The following CCDC159 variants were observed in gnomAD, a reference collection of about 807,000 sequenced individuals.
CCDC159 encodes the protein coiled-coil domain-containing protein 159.
CCDC159 carries 40 observed loss-of-function variants against 50.9 expected under a neutral mutation model. The observed-to-expected ratio is 0.79, with a 90% CI of 0.61 to 1.02. The LOEUF is 1.02. CCDC159 is among the 50% of genes least tolerant of loss of function. CCDC159 has a pLI of 0.00. For synonymous variants in CCDC159, 146 were observed against 138.9 expected (o/e 1.05, Z -0.36); for missense variants, 356 against 371.5 (o/e 0.96, Z 0.34).
At chr19:11,351,416 G>C (rs999863147) in intron 5 of CCDC159, 1 of 179,478 alleles carries the variant, frequency 5.6e-6, no homozygotes, top group African/African-American at 2.4e-5. Context: ...CAGCCTGGGC[G>C]CCTGGGCGCC....
intron 7 of CCDC159, chr19:11,352,473 G>A: frequency 3.4e-6 from 1 of 291,938 alleles, no homozygotes; most frequent in Non-Finnish European, 6.6e-6. Context: ...GGGTGTGGTG[G>A]CAGGCACCTG....
intron 6 of CCDC159, 24 bp from the exon 7 acceptor site, chr19:11,352,033 C>T (rs575480768): frequency 7.6e-5 from 123 of 1,613,192 alleles, no homozygotes; most frequent in South Asian, 5.6e-4. Flanking sequence ...AGCCTTTGTC[C>T]GCCTGAGCCC....
At chr19:11,352,738 C>G (rs1967652559) in intron 7 of CCDC159, among the ~76,000 whole-genome samples, 1 of 151,976 alleles carries the variant, frequency 6.6e-6, no homozygotes, top group African/African-American at 2.4e-5. Context: ...CAAGACCAGC[C>G]TAGGCAACAT....
At chr19:11,351,825 G>A (rs936063594) in intron 5 of CCDC159, 81 bp from the exon 6 acceptor site, 2 of 1,267,334 alleles carry the variant, frequency 1.6e-6, no homozygotes, top group African/African-American at 1.5e-5. Context: ...AGCTTGCGGG[G>A]ATGGGTGGAG....
chr19:11,353,801 G>A lies in CCDC159; in HGVS notation c.699G>A (p.Val233=), dbSNP rs373080827. The A allele has an allele frequency of 6.3e-7, 1 of 1,596,918 alleles. No homozygotes were observed. Among genetic ancestry groups the A allele is most frequent in the Non-Finnish European group, 8.5e-7 (1 of 1,171,870 alleles). ...QKELSDIWSA[V]HVLQNSIDSL... Reference sequence around the variant, plus strand: ...CCTTGTCTTCTTGCAGGTCTGCTGTGCACGTGCTGCAGAACTCCATAGACA... The same window carrying A: ...CCTTGTCTTCTTGCAGGTCTGCTGTACACGTGCTGCAGAACTCCATAGACA... Residue 233 remains valine (V), a synonymous_variant, in exon 9 of 11, where the codon GTG becomes GTA. Transcript: ENST00000458408.
intron 4 of CCDC159, 52 bp from the exon 5 acceptor site, chr19:11,350,756 G>C: frequency 1.4e-6 from 2 of 1,479,232 alleles, no homozygotes; most frequent in South Asian, 2.7e-5. Flanking sequence ...ATTAGGACAA[G>C]CTGGGTTCAG....
chr19:11,346,656 G>A, intron 1 of CCDC159, 29 bp downstream of exon 1: 2 of 1,550,470 alleles, frequency 1.3e-6, no homozygotes, highest in Non-Finnish European at 1.7e-6. Context: ...TCTGGAGCCT[G>A]GCGGGTGTAG....
At chr19:11,346,728 C>A (rs1967257386) in intron 1 of CCDC159, 101 bp downstream of exon 1, 1 of 1,365,520 alleles carries the variant, frequency 7.3e-7, no homozygotes, top group East Asian at 2.6e-5. Context: ...AATAATTCTC[C>A]CGGGAGGGAC....
Position 11,353,519 on chromosome 19 carries a change from G to A in CCDC159, c.636G>A (p.Gln212=). ...GTCCGGAGACTGAAGAGATACCGCA[G>A]GGAGCCAGTGGCTGCTGGAAGGATG... is the stretch of plus-strand genomic sequence containing the variant. ...AACPETEEIP[Q]GASGCWKDDL... Residue 212 remains glutamine (Q), a synonymous_variant, in exon 8 of 11, where the codon CAG becomes CAA. Transcript: ENST00000458408. The A allele has an allele frequency of 6.2e-7, 1 of 1,613,292 alleles. No individual in the cohort carries two copies. Among genetic ancestry groups the A allele is most frequent in the Non-Finnish European group, 8.5e-7 (1 of 1,179,644 alleles).
At position 11,350,204 on chromosome 19, in the gene CCDC159, G is replaced by T; in HGVS notation, c.226+5G>T. ...TCAAGATTCAGCAGCTTGAAGGTGA[G>T]GACTGACCAGAGATCAAGGTCAGGC... On this transcript the variant is annotated splice_donor_5th_base_variant and intron_variant, in intron 4 of 10. Transcript: ENST00000458408. 1 of 1,607,516 alleles carries T rather than the reference G, an allele frequency of 6.2e-7. No homozygotes were observed. Among genetic ancestry groups the T allele is most frequent in the Non-Finnish European group, 8.5e-7 (1 of 1,177,624 alleles).
At chr19:11,349,177 G>T in intron 1 of CCDC159, 1 of 1,345,432 alleles carries the variant, frequency 7.4e-7, no homozygotes, top group African/African-American at 1.5e-5. Context: ...TTTTGAAGAG[G>T]CATCACAACG....
chr19:11,351,100 G>C (rs1323943405), intron 5 of CCDC159, 97 bp downstream of exon 5: 3 of 1,202,242 alleles, frequency 2.5e-6, no homozygotes, highest in Admixed American at 2.7e-5. Context: ...GCAGATGCCT[G>C]GGGGAGGGGG....
chr19:11,353,820 A>G lies in CCDC159; in HGVS notation c.718A>G (p.Ile240Val). 6.3e-7 allele frequency: 1 copy of G among 1,599,026 alleles called. No individual in the cohort carries two copies. The highest frequency in any genetic ancestry group is 2.3e-5 in the East Asian group (1 of 44,246). ...WSAVHVLQNS[I>V]DSLTLCSGAC... Reference sequence around the variant, plus strand: ...TGCTGTGCACGTGCTGCAGAACTCCATAGACAGCCTCACTTTGTGCTCGGG... The same window carrying G: ...TGCTGTGCACGTGCTGCAGAACTCCGTAGACAGCCTCACTTTGTGCTCGGG... Residue 240 changes from isoleucine to valine, a missense_variant, in exon 9 of 11, where the codon ATA becomes GTA. Ile to Val is a conservative substitution (Grantham distance 29). Coordinates refer to ENST00000458408, the MANE Select transcript of CCDC159 (RefSeq NM_001080503.3).
chr19:11,352,831 T>G (rs1403798305), intron 7 of CCDC159, among the ~76,000 whole-genome samples: 1 of 152,026 alleles, frequency 6.6e-6, no homozygotes, highest in Non-Finnish European at 1.5e-5. Context: ...CTCAGAAGGC[T>G]GAGGTAGGGG....
intron 7 of CCDC159, 110 bp from the exon 8 acceptor site, chr19:11,353,341 C>A: frequency 1.7e-6 from 2 of 1,147,986 alleles, no homozygotes; most frequent in Non-Finnish European, 2.4e-6. Context: ...ACCTCGTGAT[C>A]TGCCCGCCTC....
intron 1 of CCDC159, among the ~76,000 whole-genome samples, chr19:11,347,571 C>A (rs1288731295): frequency 6.6e-6 from 1 of 152,186 alleles, no homozygotes; most frequent in Non-Finnish European, 1.5e-5. Context: ...CTCAGGTGAT[C>A]CACCTGCCTT....
At chr19:11,348,849 G>A (rs1967412308) in intron 1 of CCDC159, 1 of 618,922 alleles carries the variant, frequency 1.6e-6, no homozygotes, top group African/African-American at 1.9e-5. Context: ...CTGCTAACAT[G>A]AAGTGTGACA....
At chr19:11,349,474 A>G (rs932487678) in intron 1 of CCDC159, 180 bp from the exon 2 acceptor site, 2 of 715,006 alleles carry the variant, frequency 2.8e-6, no homozygotes, top group East Asian at 2.7e-5. Context: ...TTCTGAGCAT[A>G]TGTAGCCCAA....
At position 11,346,527 on chromosome 19, in the gene CCDC159, C is replaced by T. The variant is rs1967239691; in HGVS notation, c.-80C>T. On this transcript the variant is annotated 5_prime_UTR_variant, in exon 1 of 11. Transcript: ENST00000458408. Reference sequence around the variant, plus strand: ...GCCACACCCCTCTCTGTGACTCAGTCTCTGAGCGTTTTAATACGATGGTGT... The same window carrying T: ...GCCACACCCCTCTCTGTGACTCAGTTTCTGAGCGTTTTAATACGATGGTGT... 6.6e-7 allele frequency: 1 copy of T among 1,507,622 alleles called. No individual in the cohort carries two copies. The highest frequency in any genetic ancestry group is 2.0e-5 in the Admixed American group (1 of 50,814). 93.4% of individuals were successfully genotyped at this position (1,507,622 alleles called of 1,614,324 possible). A position where few individuals can be genotyped will look rare whatever the true frequency, so the allele number is the denominator to read the frequency against.
Sources: allele counts gnomAD v4.1 joint callset (sites outside exome capture counted in the v4.1 genomes callset), GRCh38; gene constraint gnomAD v4.1.1; transcripts MANE v1.5; gene names NCBI Gene and HGNC (gene_info 2026-07-23, HGNC 2026-07-21).